Variants in MCM10 observed in about 807,000 individuals in gnomAD.
The protein encoded by MCM10 is minichromosome maintenance 10 replication initiation factor, also known as protein MCM10 homolog.
In MCM10, 91 loss-of-function variants were observed where a neutral mutation model predicts 109.9. The ratio of observed to expected loss-of-function variants is 0.83; its 90% confidence interval spans 0.70 to 0.99. The LOEUF (loss-of-function observed/expected upper bound fraction) is 0.99. Ranked by LOEUF, MCM10 falls within the 50% of genes least tolerant of loss-of-function variation. The pLI is 0.00. For missense variants in MCM10, 1,077 were observed against 1,061.2 expected, an observed-to-expected ratio of 1.01 and a Z score of -0.21; for synonymous variants, 380 against 387.2, an observed-to-expected ratio of 0.98 and a Z score of 0.22.
chr10:13,194,323 A>G (rs7090946), intron 13 of MCM10, among the ~76,000 whole-genome samples: 26,720 of 152,200 alleles, frequency 0.18, 2,496 homozygotes, highest in South Asian at 0.21. Flanking sequence ...CAATCGTGCC[A>G]ACGCACTCTA....
intron 1 of MCM10, among the ~76,000 whole-genome samples, chr10:13,163,852 A>G (rs1277001022): frequency 6.6e-6 from 1 of 152,110 alleles, no homozygotes. Context: ...GTTCTTCCTC[A>G]TAATTTATCT....
chr10:13,180,733 T>C (rs984796572), intron 7 of MCM10, 126 bp downstream of exon 7: 1 of 1,065,814 alleles, frequency 9.4e-7, no homozygotes, highest in African/African-American at 1.6e-5. Flanking sequence ...AGTTCCAGAA[T>C]CACCACACAT....
rs2131595606 is a variant in MCM10, at chr10:13,210,924, CA to C, written c.*1616del. ...CTTGAACACCAGGTTGGTGTCTGAG[CA>C]ATCCCTTTCTTATGGGAAAAACAAT... On this transcript the variant is annotated 3_prime_UTR_variant, in exon 20 of 20. Coordinates refer to ENST00000378714, the MANE Select transcript of MCM10 (RefSeq NM_018518.5). 6.6e-6 allele frequency: 1 copy of C among 152,234 alleles called. No homozygotes were observed. Among genetic ancestry groups the C allele is most frequent in the African/African-American group, 2.4e-5 (1 of 41,530 alleles). 9.4% of individuals were successfully genotyped at this position (152,234 alleles called of 1,614,324 possible). A position where few individuals can be genotyped will look rare whatever the true frequency, so the allele number is the denominator to read the frequency against.
intron 10 of MCM10, 27 bp from the exon 11 acceptor site, chr10:13,191,272 C>T (rs1834343191): frequency 6.6e-7 from 1 of 1,506,172 alleles, no homozygotes; most frequent in Non-Finnish European, 9.2e-7. Flanking sequence ...TAGTGATTCT[C>T]CTTTTGGGGG....
At chr10:13,195,379 T>A (rs1351321331) in intron 14 of MCM10, 110 bp downstream of exon 14, 3 of 821,862 alleles carry the variant, frequency 3.7e-6, no homozygotes, top group East Asian at 5.4e-5. Context: ...TTAGAGTCAG[T>A]GTAATTTGAA....
intron 9 of MCM10, among the ~76,000 whole-genome samples, chr10:13,187,091 C>T (rs1216312592): frequency 6.6e-6 from 1 of 152,240 alleles, no homozygotes; most frequent in Non-Finnish European, 1.5e-5. Flanking sequence ...AGAACCCTTT[C>T]ATTGCCCCAG....
Position 13,209,381 on chromosome 10 carries a change from G to A in MCM10, c.*71G>A. On this transcript the variant is annotated 3_prime_UTR_variant, in exon 20 of 20. Transcript: ENST00000378714. ...CTCTGGAAAGCAAAGGATTGGCTGT[G>A]TATTGTCCATTGATTCCTGATTGAC... The A allele has an allele frequency of 1.7e-6, 2 of 1,204,096 alleles. No homozygotes were observed. Among genetic ancestry groups the A allele is most frequent in the South Asian group, 1.3e-5 (1 of 79,042 alleles). 74.6% of individuals were successfully genotyped at this position (1,204,096 alleles called of 1,614,324 possible).
chr10:13,172,722 A>G lies in MCM10; in HGVS notation c.549A>G (p.Pro183=), dbSNP rs1416600372. ...CGGAGCTTGATGTCCCTGCGCTACC[A>G]AGAACCAAGAGGGTGGCTCGAACAC... is the stretch of plus-strand genomic sequence containing the variant. ...FSAELDVPAL[P]RTKRVARTPK... Residue 183 remains proline (P), a synonymous_variant, in exon 5 of 20, where the codon CCA becomes CCG. Coordinates refer to ENST00000378714, the MANE Select transcript of MCM10 (RefSeq NM_018518.5). The surrounding 1 kb of genome is among the most constrained non-coding windows in gnomAD (Gnocchi z 5.2). 1.2e-6 allele frequency: 2 copies of G among 1,614,122 alleles called. No individual in the cohort carries two copies. The highest frequency in any genetic ancestry group is 1.7e-6 in the Non-Finnish European group (2 of 1,180,024).
At chr10:13,189,518 T>C (rs1278288917) in intron 10 of MCM10, among the ~76,000 whole-genome samples, 1 of 152,132 alleles carries the variant, frequency 6.6e-6, no homozygotes, top group Non-Finnish European at 1.5e-5. Context: ...AGACAGGGTT[T>C]CACCATGATG....
chr10:13,163,650 A>G (rs1359908147), intron 1 of MCM10, among the ~76,000 whole-genome samples: 1 of 152,018 alleles, frequency 6.6e-6, no homozygotes, highest in Non-Finnish European at 1.5e-5. Context: ...AGTGAATAAA[A>G]TGAAAGAATA....
At chr10:13,178,034 G>A (rs995146924) in intron 6 of MCM10, among the ~76,000 whole-genome samples, 2 of 152,094 alleles carry the variant, frequency 1.3e-5, no homozygotes, top group Admixed American at 6.5e-5. Flanking sequence ...CAAGACCAAT[G>A]TCCTAGAGAG....
intron 10 of MCM10, 120 bp downstream of exon 10, chr10:13,189,200 C>G: frequency 9.6e-7 from 1 of 1,040,420 alleles, no homozygotes. Context: ...TTTCATAACT[C>G]ACTACTTGAA....
chr10:13,204,012 C>T (rs542695895), intron 17 of MCM10, among the ~76,000 whole-genome samples: 13 of 151,598 alleles, frequency 8.6e-5, no homozygotes, highest in Non-Finnish European at 1.5e-4. Flanking sequence ...TTGGGACAAA[C>T]GTGAGAAACG....
At chr10:13,163,979 G>T (rs1284983526) in intron 1 of MCM10, 149 bp from the exon 2 acceptor site, 1 of 357,794 alleles carries the variant, frequency 2.8e-6, no homozygotes, top group Admixed American at 4.7e-5. Flanking sequence ...CATTGGCGGT[G>T]TGGAGAGAGG....
chr10:13,174,806 T>G (rs559475711), intron 5 of MCM10, among the ~76,000 whole-genome samples: 91 of 152,216 alleles, frequency 6.0e-4, no homozygotes, highest in African/African-American at 2.1e-3. Flanking sequence ...GTTCCCAAGA[T>G]TTGATTATTG....
At chr10:13,204,983 CATGT>C (rs1291438585) in intron 18 of MCM10, among the ~76,000 whole-genome samples, 4,301 of 31,428 alleles carry the variant, frequency 0.14, 209 homozygotes, top group East Asian at 0.17. Context: ...TTGTGCTTCT[CATGT>C]ATGTATGTAT....
intron 10 of MCM10, among the ~76,000 whole-genome samples, chr10:13,189,962 T>C (rs1475900569): frequency 1.3e-5 from 2 of 152,162 alleles, no homozygotes; most frequent in African/African-American, 4.8e-5. Context: ...TGATAGCCTA[T>C]AAGCTTAAAA....
chr10:13,198,843 C>A, intron 16 of MCM10, 36 bp downstream of exon 16: 1 of 1,370,238 alleles, frequency 7.3e-7, no homozygotes, highest in Non-Finnish European at 1.0e-6. Context: ...GTGTTGATGT[C>A]CGATGTCCTT....
At chr10:13,193,874 T>C (rs1027374723) in intron 13 of MCM10, among the ~76,000 whole-genome samples, 2 of 152,172 alleles carry the variant, frequency 1.3e-5, no homozygotes, top group Non-Finnish European at 2.9e-5. Context: ...GCGTAGGATT[T>C]GATAGGCAGT....
Sources: gnomAD v4.1 joint callset for allele counts (sites outside exome capture counted in the v4.1 genomes callset) on GRCh38, gnomAD v4.1.1 for gene constraint, Gnocchi (gnomAD v3.1) non-coding constraint, MANE v1.5 for transcripts, NCBI Gene and HGNC (gene_info 2026-07-23, HGNC 2026-07-21) for gene names.